AKAP6: variants seen among roughly 807,000 people sequenced by gnomAD.
AKAP6 encodes the protein A-kinase anchor protein 6.
AKAP6 carries 58 observed loss-of-function variants against 188.5 expected under a neutral mutation model. The ratio of observed to expected loss-of-function variants is 0.31; its 90% CI spans 0.25 to 0.38. The LOEUF is 0.38. AKAP6 is among the 10% of genes least tolerant of loss of function. AKAP6 has a pLI of 1.00. For synonymous variants in AKAP6, 989 were observed against 998.6 expected, an observed-to-expected ratio of 0.99 and a Z score of 0.18; for missense variants, 2,710 against 2,740.0, an observed-to-expected ratio of 0.99 and a Z score of 0.24.
chr14:32,440,200 A>C (rs918072994), intron 2 of AKAP6, among the ~76,000 whole-genome samples: 2 of 152,100 alleles, frequency 1.3e-5, no homozygotes, highest in Non-Finnish European at 2.9e-5. Flanking sequence ...TTATGGCTGC[A>C]TAGTATTCCA....
chr14:32,737,451 C>A (rs1349132893), intron 11 of AKAP6, among the ~76,000 whole-genome samples: 1 of 152,082 alleles, frequency 6.6e-6, no homozygotes, highest in East Asian at 1.9e-4. Flanking sequence ...ATGTTTGTAA[C>A]CTGTCAAAAT....
chr14:32,711,079 T>G (rs1380294298), intron 9 of AKAP6, among the ~76,000 whole-genome samples: 1 of 152,076 alleles, frequency 6.6e-6, no homozygotes, highest in Non-Finnish European at 1.5e-5. Flanking sequence ...ATGGCAACGC[T>G]TTAGGAATAT....
chr14:32,679,187 A>ATG (rs1889567007), intron 8 of AKAP6, among the ~76,000 whole-genome samples: 1 of 152,164 alleles, frequency 6.6e-6, no homozygotes, highest in African/African-American at 2.4e-5. Flanking sequence ...AGCTAAATAT[A>ATG]TGTGTGTATA....
At chr14:32,496,769 T>C (rs1009776159) in intron 2 of AKAP6, among the ~76,000 whole-genome samples, 4 of 152,186 alleles carry the variant, frequency 2.6e-5, no homozygotes, top group Non-Finnish European at 4.4e-5. Flanking sequence ...CAATTTTGTA[T>C]GGCTCAACCT....
intron 1 of AKAP6, among the ~76,000 whole-genome samples, chr14:32,352,100 TGTTTG>T (rs1433440478): frequency 0.011 from 1,266 of 116,650 alleles, 9 homozygotes; most frequent in African/African-American, 0.024. Context: ...TGTGTGTGTG[TGTTTG>T]TGTGTGTGTG....
At chr14:32,777,456 GA>G (rs2033103687) in intron 12 of AKAP6, among the ~76,000 whole-genome samples, 2 of 152,128 alleles carry the variant, frequency 1.3e-5, no homozygotes, top group South Asian at 4.2e-4. Context: ...CAAGCAGCTG[GA>G]AAAAATATTG....
chr14:32,398,563 A>C (rs1888954119), intron 1 of AKAP6, among the ~76,000 whole-genome samples: 1 of 152,088 alleles, frequency 6.6e-6, no homozygotes, highest in Non-Finnish European at 1.5e-5. Context: ...AGCCATCCAC[A>C]CCATGTACTG....
intron 9 of AKAP6, among the ~76,000 whole-genome samples, chr14:32,697,399 A>G (rs976873315): frequency 5.9e-5 from 9 of 152,178 alleles, no homozygotes; most frequent in African/African-American, 1.9e-4. Flanking sequence ...CAACACAGCT[A>G]TCTAATATAT....
Position 32,535,212 on chromosome 14 carries a change from C to A in AKAP6, c.325-342C>A, listed in dbSNP as rs147241302. Among the ~76,000 whole-genome samples the A allele has an allele frequency of 4.6e-4, 70 of 152,238 alleles. 1 individual carries two copies. Among genetic ancestry groups the A allele is most frequent in the African/African-American group, 1.6e-3 (67 of 41,538 alleles). ...TTAGTGCTAGCAAATAAAACAGCCA[C>A]TGGTTCCCTTCCAGAATACCCAACA... On this transcript the variant is annotated intron_variant, in intron 2 of 13. Coordinates refer to ENST00000280979, the MANE Select transcript of AKAP6 (RefSeq NM_004274.5).
chr14:32,360,607 T>A (rs779417702), intron 1 of AKAP6, among the ~76,000 whole-genome samples: 27 of 152,306 alleles, frequency 1.8e-4, no homozygotes, highest in Non-Finnish European at 3.2e-4. Context: ...ATCGTTTATA[T>A]CAGTATAGGC....
At chr14:32,478,157 C>T (rs1879164316) in intron 2 of AKAP6, among the ~76,000 whole-genome samples, 1 of 152,070 alleles carries the variant, frequency 6.6e-6, no homozygotes, top group African/African-American at 2.4e-5. Flanking sequence ...GAGCATTTGC[C>T]TTGTATGGAG....
intron 11 of AKAP6, among the ~76,000 whole-genome samples, chr14:32,750,536 A>G (rs2032083891): frequency 6.6e-6 from 1 of 151,870 alleles, no homozygotes; most frequent in Non-Finnish European, 1.5e-5. Context: ...AGCCTGGGCA[A>G]CATAGTAAGA....
At chr14:32,772,488 T>C (rs2032929453) in intron 11 of AKAP6, among the ~76,000 whole-genome samples, 2 of 152,188 alleles carry the variant, frequency 1.3e-5, no homozygotes, top group African/African-American at 4.8e-5. Flanking sequence ...AGTTCTCTCA[T>C]TACAGAAATA....
At chr14:32,449,158 G>A (rs1010941931) in intron 2 of AKAP6, among the ~76,000 whole-genome samples, 3 of 152,128 alleles carry the variant, frequency 2.0e-5, no homozygotes, top group Non-Finnish European at 4.4e-5. Flanking sequence ...TTAGAAGTTA[G>A]GCATTAAAAA....
At chr14:32,640,296 C>G (rs1256690406) in intron 7 of AKAP6, among the ~76,000 whole-genome samples, 2 of 151,986 alleles carry the variant, frequency 1.3e-5, no homozygotes, top group African/African-American at 4.8e-5. Flanking sequence ...CCTTTCCTGT[C>G]TAGGTCTAAT....
intron 2 of AKAP6, among the ~76,000 whole-genome samples, chr14:32,443,378 G>C (rs535354158): frequency 4.0e-5 from 6 of 150,308 alleles, no homozygotes; most frequent in Non-Finnish European, 8.8e-5. Flanking sequence ...GGGCAGCAGA[G>C]TAAGACTCCA....
At chr14:32,540,628 G>A (rs948375858) in intron 3 of AKAP6, among the ~76,000 whole-genome samples, 4 of 152,024 alleles carry the variant, frequency 2.6e-5, no homozygotes, top group Admixed American at 6.6e-5. Flanking sequence ...AAACCAACAG[G>A]CAACACCCCT....
At chr14:32,355,990 G>T (rs1887471797) in intron 1 of AKAP6, among the ~76,000 whole-genome samples, 1 of 151,978 alleles carries the variant, frequency 6.6e-6, no homozygotes, top group South Asian at 2.1e-4. Context: ...TGTTGCCCAG[G>T]CTGATCTCAA....
At chr14:32,664,134 A>G (rs1888819190) in intron 7 of AKAP6, among the ~76,000 whole-genome samples, 2 of 151,994 alleles carry the variant, frequency 1.3e-5, no homozygotes, top group South Asian at 4.1e-4. Context: ...CCTAGTGGAT[A>G]GGAACCATGA....
Sources: allele counts gnomAD v4.1 joint callset (sites outside exome capture counted in the v4.1 genomes callset), GRCh38; gene constraint gnomAD v4.1.1; transcripts MANE v1.5; gene names NCBI Gene and HGNC (gene_info 2026-07-23, HGNC 2026-07-21).